ERGIC2: variants seen among roughly 807,000 people sequenced by gnomAD.
ERGIC2 encodes the protein endoplasmic reticulum-Golgi intermediate compartment protein 2.
ERGIC2 carries 31 observed loss-of-function variants against 52.5 expected under a neutral mutation model. The ratio of observed to expected loss-of-function variants is 0.59; its 90% CI spans 0.44 to 0.80. The LOEUF is 0.80. ERGIC2 is among the 30% of genes least tolerant of loss of function. ERGIC2 has a pLI of 0.00. For synonymous variants in ERGIC2, 129 were observed against 140.6 expected, an observed-to-expected ratio of 0.92 and a Z score of 0.58; for missense variants, 395 against 455.2, an observed-to-expected ratio of 0.87 and a Z score of 1.20.
In ERGIC2 at chr12:29,371,700, G is replaced by T. The variant is rs1045470825; in HGVS notation, c.-37-30C>A. 13 of 1,037,382 alleles carry T rather than the reference G, an allele frequency of 1.3e-5. No homozygotes were observed. In the East Asian group the frequency reaches 3.3e-4, roughly 26 times the overall value. The allele number at this position is 1,037,382 out of a possible 1,614,324, so 64.3% of individuals were successfully genotyped here. Reference sequence around the variant, plus strand: ...GGAATAAATAAATTAATGAATAAATGAATCCTTTAAAGAGATAAAAAGGTT... The same window carrying T: ...GGAATAAATAAATTAATGAATAAATTAATCCTTTAAAGAGATAAAAAGGTT... On this transcript the variant is annotated intron_variant, in intron 1 of 13. Coordinates refer to ENST00000360150, the MANE Select transcript of ERGIC2 (RefSeq NM_016570.3).
chr12:29,363,835 G>GA (rs71042988), intron 5 of ERGIC2, among the ~76,000 whole-genome samples: 5,265 of 129,474 alleles, frequency 0.041, 116 homozygotes, highest in South Asian at 0.089. Flanking sequence ...TCATAAATGT[G>GA]AAAAAAAAAA....
intron 6 of ERGIC2, among the ~76,000 whole-genome samples, chr12:29,359,768 A>G (rs1659784451): frequency 6.6e-6 from 1 of 152,088 alleles, no homozygotes; most frequent in African/African-American, 2.4e-5. Flanking sequence ...CTAGGGAAAA[A>G]AAAACGGGTA....
intron 1 of ERGIC2, among the ~76,000 whole-genome samples, chr12:29,378,092 C>A (rs1403282749): frequency 1.3e-5 from 2 of 152,130 alleles, no homozygotes; most frequent in Non-Finnish European, 2.9e-5. Context: ...TTGAGTCTTT[C>A]AGATATAACT....
rs749992774 is a variant in ERGIC2 at position 29,366,933 on chromosome 12, C to T, written c.277G>A (p.Val93Ile). 2 of 1,597,788 alleles carry T rather than the reference C, an allele frequency of 1.3e-6. No homozygotes were observed. The highest frequency in any genetic ancestry group is 3.4e-5 in the Admixed American group (2 of 58,488). Residue 93 changes from valine (V) to isoleucine (I), a missense_variant, in exon 5 of 14, where the codon GTA becomes ATA. Physicochemically the swap from Val to Ile is conservative, Grantham distance 29. Transcript: ENST00000360150. ...AMKCQYVGAD[V>I]LDLAETMVAS... Reference sequence around the variant, plus strand: ...ACCATTGTTTCTGCTAAATCCAATACATCCGCTCCAACATCTGCATAGAAA... The same window carrying T: ...ACCATTGTTTCTGCTAAATCCAATATATCCGCTCCAACATCTGCATAGAAA...
intron 5 of ERGIC2, among the ~76,000 whole-genome samples, chr12:29,364,634 GAAAACA>G (rs1274949903): frequency 1.3e-5 from 2 of 151,892 alleles, no homozygotes; most frequent in Non-Finnish European, 2.9e-5. Flanking sequence ...CTTCTGCACA[GAAAACA>G]AAAACAAAAA....
chr12:29,338,430 A>C lies in ERGIC2; in HGVS notation c.*2726T>G, dbSNP rs1224399759. On this transcript the variant is annotated 3_prime_UTR_variant, in exon 14 of 14. Coordinates refer to ENST00000360150, the MANE Select transcript of ERGIC2 (RefSeq NM_016570.3). ...GAGACTAAGGTGGGAGGATTACTTG[A>C]GTCCGGGAGTTGGAGTCCAGCTTGA... is the stretch of plus-strand genomic sequence containing the variant. 1 of 152,134 alleles carries C rather than the reference A, an allele frequency of 6.6e-6. No homozygotes were observed. Among genetic ancestry groups the C allele is most frequent in the African/African-American group, 2.4e-5 (1 of 41,410 alleles). 9.4% of individuals were successfully genotyped at this position (152,134 alleles called of 1,614,324 possible).
intron 9 of ERGIC2, 46 bp from the exon 10 acceptor site, chr12:29,349,223 T>C (rs756634158): frequency 1.1e-6 from 1 of 931,792 alleles, no homozygotes. Context: ...AATTATATTA[T>C]TCAAAATTAC....
intron 8 of ERGIC2, 51 bp from the exon 9 acceptor site, chr12:29,350,119 T>A (rs547309543): frequency 9.4e-7 from 1 of 1,068,642 alleles, no homozygotes; most frequent in Non-Finnish European, 1.4e-6. Context: ...TATGTATAAT[T>A]AATTAAAATC....
At chr12:29,366,778 C>G (rs1296488593) in intron 5 of ERGIC2, 99 bp downstream of exon 5, 2 of 613,756 alleles carry the variant, frequency 3.3e-6, no homozygotes, top group Non-Finnish European at 5.4e-6. Context: ...AAGAATTATA[C>G]TAAAAACTAT....
At chr12:29,355,817 A>T (rs1280540979) in intron 8 of ERGIC2, among the ~76,000 whole-genome samples, 1 of 152,140 alleles carries the variant, frequency 6.6e-6, no homozygotes, top group Non-Finnish European at 1.5e-5. Context: ...GCTGTAATTG[A>T]TATTTACCTA....
intron 6 of ERGIC2, among the ~76,000 whole-genome samples, chr12:29,361,067 T>C (rs986790785): frequency 1.3e-5 from 2 of 152,102 alleles, no homozygotes; most frequent in Non-Finnish European, 2.9e-5. Flanking sequence ...GTCAACATGG[T>C]GAAACCCTAT....
chr12:29,377,636 T>C (rs932754608), intron 1 of ERGIC2, among the ~76,000 whole-genome samples: 2 of 152,320 alleles, frequency 1.3e-5, no homozygotes, highest in Non-Finnish European at 2.9e-5. Flanking sequence ...AGATGCAGAA[T>C]CCACAGATAT....
At position 29,361,666 on chromosome 12, in the gene ERGIC2, G is replaced by A; in HGVS notation, c.353C>T (p.Pro118Leu). 6.2e-7 allele frequency: 1 copy of A among 1,604,998 alleles called. No homozygotes were observed. Among genetic ancestry groups the A allele is most frequent in the Non-Finnish European group, 8.5e-7 (1 of 1,175,570 alleles). ...TTACCTCTGCCACTCTTTCTGCTGT[G>A]GTGAAAGATCAAATACTGTCTGAAA... is the stretch of plus-strand genomic sequence containing the variant. ...VYEPTVFDLS[P>L]QQKEWQRMLQ... Residue 118 changes from proline to leucine, a missense_variant, in exon 6 of 14, where the codon CCA becomes CTA. Coordinates refer to ENST00000360150, the MANE Select transcript of ERGIC2 (RefSeq NM_016570.3).
Position 29,374,421 on chromosome 12 carries a change from C to T in ERGIC2, c.-37-2751G>A, listed in dbSNP as rs144752454. 1.8e-4 allele frequency among the ~76,000 whole-genome samples: 27 copies of T among 152,270 alleles called. 1 individual carries two copies. In the East Asian group the frequency reaches 5.2e-3, roughly 29 times the overall value. On this transcript the variant is annotated intron_variant, in intron 1 of 13. Coordinates refer to ENST00000360150, the MANE Select transcript of ERGIC2 (RefSeq NM_016570.3). ...TTCTGCACTAGGTCTCCCCCTTAAC[C>T]TCCACACCTTCCCCAAATGATCGCC...
At chr12:29,343,836 G>A (rs976347039) in intron 11 of ERGIC2, among the ~76,000 whole-genome samples, 1 of 152,138 alleles carries the variant, frequency 6.6e-6, no homozygotes. Context: ...AACTGTTTTA[G>A]GGATCAGGGC....
At chr12:29,361,015 C>T (rs1940277613) in intron 6 of ERGIC2, among the ~76,000 whole-genome samples, 1 of 152,218 alleles carries the variant, frequency 6.6e-6, no homozygotes, top group East Asian at 1.9e-4. Context: ...GGGAGGCCAA[C>T]ATGGGCGGAT....
intron 5 of ERGIC2, among the ~76,000 whole-genome samples, chr12:29,364,307 C>T (rs1940328252): frequency 6.6e-6 from 1 of 152,066 alleles, no homozygotes; most frequent in South Asian, 2.1e-4. Flanking sequence ...AAGCTGCACA[C>T]CTGCAGCCAT....
intron 13 of ERGIC2, 85 bp from the exon 14 acceptor site, chr12:29,341,303 G>A: frequency 9.3e-7 from 1 of 1,079,754 alleles, no homozygotes; most frequent in Non-Finnish European, 1.4e-6. Flanking sequence ...TTTTATTTTG[G>A]GCAATCCTTT....
At chr12:29,342,062 G>C (rs1187084798) in intron 12 of ERGIC2, among the ~76,000 whole-genome samples, 2 of 152,020 alleles carry the variant, frequency 1.3e-5, no homozygotes, top group Non-Finnish European at 2.9e-5. Context: ...GCCCAGGCTG[G>C]AGTGCAGTGG....
Sources: allele counts gnomAD v4.1 joint callset (sites outside exome capture counted in the v4.1 genomes callset), GRCh38; gene constraint gnomAD v4.1.1; transcripts MANE v1.5; gene names NCBI Gene and HGNC (gene_info 2026-07-23, HGNC 2026-07-21).